The following HAPLN1 variants were observed in gnomAD, a reference collection of about 807,000 sequenced individuals.
HAPLN1 encodes hyaluronan and proteoglycan link protein 1, also known as Cartilage link protein.
HAPLN1 carries 13 observed loss-of-function variants against 36.5 expected under a neutral mutation model. The ratio of observed to expected loss-of-function variants is 0.36; its 90% CI spans 0.23 to 0.57. HAPLN1 has a LOEUF of 0.57. Ranked by LOEUF, HAPLN1 falls within the 20% of genes least tolerant of loss-of-function variation. The pLI, the probability that HAPLN1 is intolerant of heterozygous loss-of-function variation, is 0.83. For synonymous variants in HAPLN1, 202 were observed against 169.8 expected, an observed-to-expected ratio of 1.19 and a Z score of -1.48; for missense variants, 407 against 439.7, an observed-to-expected ratio of 0.93 and a Z score of 0.66.
chr5:83,677,993 G>A (rs1304127785), intron 1 of HAPLN1, among the ~76,000 whole-genome samples: 1 of 152,058 alleles, frequency 6.6e-6, no homozygotes, highest in Non-Finnish European at 1.5e-5. Context: ...AGAAACTCTG[G>A]GGGATGGGGC....
intron 2 of HAPLN1, among the ~76,000 whole-genome samples, chr5:83,655,512 T>C (rs1251103292): frequency 7.6e-6 from 1 of 131,328 alleles, no homozygotes; most frequent in Non-Finnish European, 1.7e-5. Flanking sequence ...TCTCATTCAC[T>C]TTGGGGTGTG....
At position 83,707,138 on chromosome 5, in the gene HAPLN1, C is replaced by T. The variant is rs138626841; in HGVS notation, c.-27+13651G>A. ...TTATGGATAGGAAGAATCCATATAT[C>T]ATTAAAATGACCATACTGCCCAAAG... On this transcript the variant is annotated intron_variant, in intron 1 of 4. Coordinates refer to ENST00000274341, the MANE Select transcript of HAPLN1 (RefSeq NM_001884.4). Among the ~76,000 whole-genome samples, 1,101 of 152,232 alleles carry T rather than the reference C, an allele frequency of 7.2e-3. 18 individuals carry two copies. The highest frequency in any genetic ancestry group is 0.026 in the African/African-American group (1,062 of 41,552).
At chr5:83,682,163 G>A (rs958422785) in intron 1 of HAPLN1, among the ~76,000 whole-genome samples, 4 of 152,062 alleles carry the variant, frequency 2.6e-5, no homozygotes, top group East Asian at 1.9e-4. Flanking sequence ...TTTCATTAAC[G>A]TTGGATCTAA....
chr5:83,656,884 C>T (rs1750232614), intron 2 of HAPLN1, among the ~76,000 whole-genome samples: 1 of 152,154 alleles, frequency 6.6e-6, no homozygotes, highest in South Asian at 2.1e-4. Context: ...GATCTTTACA[C>T]TTGCTATGAA....
chr5:83,659,288 TC>T (rs1750314124), intron 2 of HAPLN1, among the ~76,000 whole-genome samples: 2 of 150,310 alleles, frequency 1.3e-5, no homozygotes, highest in Admixed American at 1.3e-4. Flanking sequence ...AAAAAAAAAA[TC>T]TGGAATTTTT....
chr5:83,717,313 A>G (rs1288827984), intron 1 of HAPLN1, among the ~76,000 whole-genome samples: 1 of 152,236 alleles, frequency 6.6e-6, no homozygotes, highest in Non-Finnish European at 1.5e-5. Context: ...ATTTTGTGAT[A>G]TTAATGAAAA....
chr5:83,661,215 T>TATCTATATCTATATCTAC (rs1554048352), intron 2 of HAPLN1, among the ~76,000 whole-genome samples: 4 of 152,196 alleles, frequency 2.6e-5, no homozygotes, highest in Non-Finnish European at 4.4e-5. Context: ...TCTATATCTA[T>TATCTATATCTATATCTAC]ATCTATACCT....
At chr5:83,720,182 C>T (rs575645120) in intron 1 of HAPLN1, among the ~76,000 whole-genome samples, 4 of 152,158 alleles carry the variant, frequency 2.6e-5, no homozygotes, top group Non-Finnish European at 5.9e-5. Context: ...CTCTTCAGTG[C>T]ATTCAAATTA....
intron 2 of HAPLN1, 111 bp downstream of exon 2, chr5:83,673,313 A>C: frequency 2.8e-6 from 2 of 706,126 alleles, no homozygotes; most frequent in South Asian, 1.9e-5. Context: ...CAGAAAGGGA[A>C]AGAAAAAGTC....
At chr5:83,711,014 T>A (rs1412972347) in intron 1 of HAPLN1, among the ~76,000 whole-genome samples, 2 of 151,648 alleles carry the variant, frequency 1.3e-5, no homozygotes, top group Non-Finnish European at 2.9e-5. Context: ...AGAGAATAGA[T>A]CTAATAAATA....
At chr5:83,712,295 T>C (rs1484193583) in intron 1 of HAPLN1, among the ~76,000 whole-genome samples, 3 of 152,142 alleles carry the variant, frequency 2.0e-5, no homozygotes, top group Non-Finnish European at 4.4e-5. Flanking sequence ...TATTTTTTTC[T>C]GAATGTATGG....
chr5:83,649,460 T>A (rs964432433), intron 3 of HAPLN1, among the ~76,000 whole-genome samples: 5 of 152,136 alleles, frequency 3.3e-5, no homozygotes, highest in African/African-American at 1.2e-4. Flanking sequence ...TGTTTGTTTG[T>A]TTTTTTGAGA....
chr5:83,680,871 T>C (rs1391057128), intron 1 of HAPLN1, among the ~76,000 whole-genome samples: 1 of 152,148 alleles, frequency 6.6e-6, no homozygotes, highest in Non-Finnish European at 1.5e-5. Flanking sequence ...TGAACAATTA[T>C]TAAAAGATAA....
intron 3 of HAPLN1, among the ~76,000 whole-genome samples, chr5:83,650,637 T>C (rs1033009415): frequency 8.2e-5 from 12 of 147,016 alleles, no homozygotes; most frequent in Non-Finnish European, 1.5e-4. Context: ...CTTTTCTTTT[T>C]TTTTTTTTTT....
At chr5:83,649,967 A>G (rs543077622) in intron 3 of HAPLN1, among the ~76,000 whole-genome samples, 1 of 152,356 alleles carries the variant, frequency 6.6e-6, no homozygotes, top group South Asian at 2.1e-4. Flanking sequence ...TCAGAGCTAT[A>G]ATGGAAGTCT....
intron 2 of HAPLN1, 121 bp from the exon 3 acceptor site, chr5:83,652,945 T>G (rs1483859387): frequency 5.3e-6 from 5 of 938,942 alleles, no homozygotes. Context: ...AGTGGTTAGC[T>G]TCTCTACGTA....
chr5:83,671,750 C>T (rs1252577572), intron 2 of HAPLN1, among the ~76,000 whole-genome samples: 2 of 152,202 alleles, frequency 1.3e-5, no homozygotes, highest in African/African-American at 4.8e-5. Context: ...CATTAAATTT[C>T]CACAAGCCAA....
intron 1 of HAPLN1, among the ~76,000 whole-genome samples, chr5:83,696,394 A>G (rs1751389770): frequency 6.6e-6 from 1 of 152,122 alleles, no homozygotes; most frequent in African/African-American, 2.4e-5. Flanking sequence ...AGAAAGGTAC[A>G]AGGTAATTTT....
chr5:83,712,828 AT>A lies in HAPLN1; in HGVS notation c.-27+7960del, dbSNP rs538951104. 7.5e-4 allele frequency among the ~76,000 whole-genome samples: 109 copies of A among 145,898 alleles called. 1 individual carries two copies. Among genetic ancestry groups the A allele is most frequent in the Admixed American group, 2.2e-3 (32 of 14,378 alleles). On this transcript the variant is annotated intron_variant, in intron 1 of 4. Transcript: ENST00000274341. ...ATACTTAAAGTTATTGAATGATTGA[AT>A]TTTTTTTTTGTATTTTATCAAGCAG...
Sources: gnomAD v4.1 joint callset for allele counts (sites outside exome capture counted in the v4.1 genomes callset) on GRCh38, gnomAD v4.1.1 for gene constraint, MANE v1.5 for transcripts, NCBI Gene and HGNC (gene_info 2026-07-23, HGNC 2026-07-21) for gene names.